Variants in ABCB1 observed in about 807,000 individuals in gnomAD.
The protein encoded by ABCB1 is ATP binding cassette subfamily B member 1, also known as ATP-dependent translocase ABCB1.
Under a neutral mutation model 142.0 loss-of-function variants are expected in ABCB1, and 69 were observed. The observed-to-expected ratio is 0.49, with a 90% CI of 0.40 to 0.59. ABCB1 has a LOEUF of 0.59. Ranked by LOEUF, ABCB1 falls within the 20% of genes least tolerant of loss-of-function variation. The pLI, the probability that ABCB1 is intolerant of heterozygous loss-of-function variation, is 0.00. For synonymous variants in ABCB1, 532 were observed against 539.2 expected, an observed-to-expected ratio of 0.99 and a Z score of 0.18; for missense variants, 1,326 against 1,554.7, an observed-to-expected ratio of 0.85 and a Z score of 2.47.
Position 87,626,098 on chromosome 7 carries a change from ATTGTCATATATATGTGTCATATATATT to A in ABCB1, c.-330-25047_-330-25021del, listed in dbSNP as rs1377691096. ...GAGACATATATATATATATATATAT[ATTGTCATATATATGTGTCATATATATT>A]GTCATATATATGTGTCATATATATT... On this transcript the variant is annotated intron_variant, in intron 1 of 28. Coordinates refer to the ABCB1 transcript ENST00000265724. Among the ~76,000 whole-genome samples, 17 of 105,052 alleles carry A rather than the reference ATTGTCATATATATGTGTCATATATATT, an allele frequency of 1.6e-4. 1 individual carries two copies. The highest frequency in any genetic ancestry group is 9.1e-4 in the East Asian group (3 of 3,292). The allele number at this position is 105,052 out of a possible 152,430, so 68.9% of individuals were successfully genotyped here.
At chr7:87,543,366 A>G (rs1289621702) in intron 17 of ABCB1, among the ~76,000 whole-genome samples, 4 of 152,214 alleles carry the variant, frequency 2.6e-5, no homozygotes. Context: ...TCATGAATGA[A>G]TATATTAAAC....
intron 3 of ABCB1, among the ~76,000 whole-genome samples, chr7:87,594,255 T>C (rs1239292795): frequency 1.3e-5 from 2 of 152,138 alleles, no homozygotes; most frequent in Non-Finnish European, 2.9e-5. Flanking sequence ...CTGGCTCCAG[T>C]TTCTTCATGT....
chr7:87,586,348 C>T (rs1377446925), intron 3 of ABCB1, among the ~76,000 whole-genome samples: 1 of 152,064 alleles, frequency 6.6e-6, no homozygotes, highest in East Asian at 1.9e-4. Context: ...TCTCTGAACC[C>T]AAAAAGTTAC....
intron 1 of ABCB1, among the ~76,000 whole-genome samples, chr7:87,607,263 G>C (rs1160830293): frequency 6.6e-6 from 1 of 152,072 alleles, no homozygotes; most frequent in African/African-American, 2.4e-5. Context: ...TCATAACTAA[G>C]CACCATATAC....
At chr7:87,705,997 G>A (rs559144743) in intron 1 of ABCB1, among the ~76,000 whole-genome samples, 1 of 152,152 alleles carries the variant, frequency 6.6e-6, no homozygotes, top group South Asian at 2.1e-4. Context: ...TGTATATTTT[G>A]TGAGGGATTG....
Position 87,703,983 on chromosome 7 carries a change from C to T in ABCB1, c.-331+9178G>A, listed in dbSNP as rs1459766523. On this transcript the variant is annotated intron_variant, in intron 1 of 28. Transcript: ENST00000265724. ...TCGCCCAGGCTGGAGTGCAAAGGTA[C>T]GATCTCAGCTCACTGCAACCTCCAC... Among the ~76,000 whole-genome samples, 3 of 113,304 alleles carry T rather than the reference C, an allele frequency of 2.6e-5. 1 individual carries two copies. The highest frequency in any genetic ancestry group is 5.0e-5 in the Non-Finnish European group (3 of 59,480). The allele number at this position is 113,304 out of a possible 152,430, so 74.3% of individuals were successfully genotyped here.
chr7:87,649,363 G>A (rs1374856716), intron 1 of ABCB1, among the ~76,000 whole-genome samples: 4 of 152,216 alleles, frequency 2.6e-5, no homozygotes, highest in Admixed American at 6.5e-5. Flanking sequence ...CCTAGGTGCT[G>A]AGGGAGATAC....
At chr7:87,536,340 A>G in intron 20 of ABCB1, 118 bp downstream of exon 20, 1 of 863,798 alleles carries the variant, frequency 1.2e-6, no homozygotes, top group South Asian at 1.4e-5. Flanking sequence ...CGTAGGTTAG[A>G]TATTTATTCA....
chr7:87,522,836 ACT>A (rs545197216), intron 21 of ABCB1, among the ~76,000 whole-genome samples: 111 of 152,136 alleles, frequency 7.3e-4, no homozygotes, highest in African/African-American at 2.6e-3. Context: ...TTGGAATGAA[ACT>A]CTATATTTAG....
chr7:87,693,776 A>T, intron 1 of ABCB1: 1 of 700,624 alleles, frequency 1.4e-6, no homozygotes, highest in Non-Finnish European at 2.4e-6. Context: ...TTTATTTAGT[A>T]GGTAAAAGTA....
intron 1 of ABCB1, among the ~76,000 whole-genome samples, chr7:87,694,826 A>G (rs1269186535): frequency 4.6e-5 from 7 of 152,172 alleles, no homozygotes; most frequent in Non-Finnish European, 1.0e-4. Flanking sequence ...AGCCTATTAA[A>G]TTGATTCAAT....
chr7:87,628,770 G>T, intron 1 of ABCB1: 1 of 1,105,706 alleles, frequency 9.0e-7, no homozygotes, highest in Non-Finnish European at 1.2e-6. Flanking sequence ...TTAAGCAGGT[G>T]TGGGGGGCGT....
At chr7:87,624,269 T>C (rs1820329229) in intron 1 of ABCB1, among the ~76,000 whole-genome samples, 1 of 152,166 alleles carries the variant, frequency 6.6e-6, no homozygotes, top group Admixed American at 6.5e-5. Flanking sequence ...TCAAAGTAAA[T>C]AAAAATTAAA....
At chr7:87,600,653 G>T (rs923508178) in intron 1 of ABCB1, 102 bp downstream of exon 1, 4 of 175,928 alleles carry the variant, frequency 2.3e-5, no homozygotes, top group Non-Finnish European at 4.9e-5. Context: ...CACTATCCAC[G>T]CCTCAAGAAG....
At chr7:87,650,792 C>A in intron 1 of ABCB1, 1 of 1,400,254 alleles carries the variant, frequency 7.1e-7, no homozygotes, top group Non-Finnish European at 1.0e-6. Flanking sequence ...TCAACTCTGC[C>A]TAAAAGCAAC....
At chr7:87,689,126 G>A (rs1157775441) in intron 1 of ABCB1, among the ~76,000 whole-genome samples, 1 of 151,978 alleles carries the variant, frequency 6.6e-6, no homozygotes, top group East Asian at 1.9e-4. Flanking sequence ...CAAAGAAGAT[G>A]ATACTATGAA....
At chr7:87,625,772 G>A (rs1309222592) in intron 1 of ABCB1, among the ~76,000 whole-genome samples, 1 of 152,066 alleles carries the variant, frequency 6.6e-6, no homozygotes. Flanking sequence ...CAGGAGAGCA[G>A]ACACGTAATG....
chr7:87,595,983 A>C (rs1424361918), intron 2 of ABCB1, among the ~76,000 whole-genome samples, 169 bp from the exon 3 acceptor site: 1 of 152,086 alleles, frequency 6.6e-6, no homozygotes, highest in Non-Finnish European at 1.5e-5. Context: ...ATAATGTTTA[A>C]ATATGTTTAC....
At chr7:87,550,088 T>C in intron 12 of ABCB1, 34 bp from the exon 13 acceptor site, 3 of 1,613,856 alleles carry the variant, frequency 1.9e-6, no homozygotes, top group Non-Finnish European at 2.5e-6. Context: ...TTTCATACAT[T>C]TGTAATTGAA....
Sources: gnomAD v4.1 joint callset for allele counts (sites outside exome capture counted in the v4.1 genomes callset) on GRCh38, gnomAD v4.1.1 for gene constraint, MANE v1.5 for transcripts, NCBI Gene and HGNC (gene_info 2026-07-23, HGNC 2026-07-21) for gene names.